NMI: variants seen among roughly 807,000 people sequenced by gnomAD.
NMI encodes the protein N-myc and STAT interactor.
In NMI, 39 loss-of-function variants were observed where a neutral mutation model predicts 34.3. The ratio of observed to expected loss-of-function variants is 1.14; its 90% CI spans 0.88 to 1.49. The LOEUF is 1.49. Ranked by LOEUF, NMI falls within the 40% of genes most tolerant of loss-of-function variation. The probability of loss-of-function intolerance (pLI) is 0.00; values close to 1 mark genes in which losing one functional copy is unlikely to be tolerated. For synonymous variants in NMI, 113 were observed against 120.3 expected, an observed-to-expected ratio of 0.94 and a Z score of 0.40; for missense variants, 339 against 358.1, an observed-to-expected ratio of 0.95 and a Z score of 0.43.
rs1398082156 is a variant in NMI, at chr2:151,289,656, CAG to C, written c.-72_-71del. 4 of 152,278 alleles carry C rather than the reference CAG, an allele frequency of 2.6e-5. No homozygotes were observed. Among genetic ancestry groups the C allele is most frequent in the Admixed American group, 2.6e-4 (4 of 15,288 alleles). 9.4% of individuals were successfully genotyped at this position (152,278 alleles called of 1,614,324 possible). A position where few individuals can be genotyped will look rare whatever the true frequency, so the allele number is the denominator to read the frequency against. Reference sequence around the variant, plus strand: ...CGCGCCTGCCCTTCCCGGAAAACAGCAGCGCCTGAAACGCCGGAACCCCGGGA... The same window carrying C: ...CGCGCCTGCCCTTCCCGGAAAACAGCCGCCTGAAACGCCGGAACCCCGGGA... On this transcript the variant is annotated 5_prime_UTR_variant, in exon 1 of 8. Transcript: ENST00000243346.
At chr2:151,282,117 T>C (rs1683418575) in intron 2 of NMI, 74 bp from the exon 3 acceptor site, 8 of 683,578 alleles carry the variant, frequency 1.2e-5, no homozygotes, top group Non-Finnish European at 5.2e-6. Context: ...CTAAAGACTA[T>C]AAATTTCTCT....
intron 1 of NMI, among the ~76,000 whole-genome samples, chr2:151,288,443 A>G (rs928893560): frequency 2.6e-5 from 4 of 152,332 alleles, no homozygotes; most frequent in African/African-American, 7.2e-5. Context: ...CGGAAGATGG[A>G]AAGAGGATTC....
At chr2:151,279,626 G>A (rs181081305) in intron 3 of NMI, among the ~76,000 whole-genome samples, 4 of 151,982 alleles carry the variant, frequency 2.6e-5, no homozygotes, top group African/African-American at 7.3e-5. Flanking sequence ...ACAGGCATGC[G>A]CTACCACACC....
intron 1 of NMI, among the ~76,000 whole-genome samples, chr2:151,283,660 CA>C (rs1276248141): frequency 1.3e-5 from 2 of 152,122 alleles, no homozygotes; most frequent in Non-Finnish European, 2.9e-5. Context: ...TTGTTCTCCC[CA>C]AATGTAAACA....
chr2:151,283,103 G>A, intron 1 of NMI, 149 bp from the exon 2 acceptor site: 1 of 426,292 alleles, frequency 2.3e-6, no homozygotes, highest in Non-Finnish European at 4.2e-6. Flanking sequence ...ATTATCATAT[G>A]GCTTATATCC....
rs1683287113 is a variant in NMI, at chr2:151,275,888, G to A, written c.341-24C>T. ...AACTGAAAAATAATTCAGGAAGGAA[G>A]TATTAATTTCCAATATTTTAAGAAT... On this transcript the variant is annotated intron_variant, in intron 4 of 7. Transcript: ENST00000243346. 5 of 1,351,938 alleles carry A rather than the reference G, an allele frequency of 3.7e-6. No homozygotes were observed. The East Asian group carries it at 1.2e-4, about 31-fold the overall frequency. 83.7% of individuals were successfully genotyped at this position (1,351,938 alleles called of 1,614,324 possible). A position where few individuals can be genotyped will look rare whatever the true frequency, so the allele number is the denominator to read the frequency against.
At chr2:151,280,821 T>G (rs1442903783) in intron 3 of NMI, among the ~76,000 whole-genome samples, 1 of 151,172 alleles carries the variant, frequency 6.6e-6, no homozygotes, top group Non-Finnish European at 1.5e-5. Context: ...ATCTCCCACT[T>G]CAGAAACAAG....
chr2:151,271,970 A>G (rs755103283), intron 6 of NMI, among the ~76,000 whole-genome samples: 2 of 152,252 alleles, frequency 1.3e-5, no homozygotes, highest in Admixed American at 6.5e-5. Context: ...ACTGCAGTCA[A>G]TCAATGCACA....
Position 151,285,918 on chromosome 2 carries a change from C to T in NMI, c.-6-2964G>A, listed in dbSNP as rs138749071. 4.2e-3 allele frequency among the ~76,000 whole-genome samples: 646 copies of T among 152,028 alleles called. 4 individuals carry two copies. The highest frequency in any genetic ancestry group is 0.015 in the African/African-American group (619 of 41,464). On this transcript the variant is annotated intron_variant, in intron 1 of 7. Coordinates refer to ENST00000243346, the MANE Select transcript of NMI (RefSeq NM_004688.3). ...ACAGAATCCACCTTGAGATGGTTTT[C>T]GGTGGCCAAATCTGGGGATAAATTA...
chr2:151,285,356 G>GAGAT (rs71403153), intron 1 of NMI, among the ~76,000 whole-genome samples: 2,199 of 147,594 alleles, frequency 0.015, 19 homozygotes, highest in Middle Eastern at 0.028. Context: ...ATTGATGATT[G>GAGAT]AGATAGATAG....
intron 1 of NMI, 45 bp from the exon 2 acceptor site, chr2:151,282,999 C>CA: frequency 1.1e-6 from 1 of 917,898 alleles, no homozygotes; most frequent in Non-Finnish European, 1.6e-6. Flanking sequence ...CATATATACA[C>CA]AAATTTAAGA....
chr2:151,286,001 G>A (rs1047726945), intron 1 of NMI, among the ~76,000 whole-genome samples: 1 of 152,144 alleles, frequency 6.6e-6, no homozygotes, highest in Non-Finnish European at 1.5e-5. Flanking sequence ...GTAAAAAACT[G>A]AGTCCAGATA....
In NMI at chr2:151,275,683, T is replaced by G. The variant is rs891682873; in HGVS notation, c.448-13A>C. On this transcript the variant is annotated splice_polypyrimidine_tract_variant and intron_variant, in intron 5 of 7. Coordinates refer to ENST00000243346, the MANE Select transcript of NMI (RefSeq NM_004688.3). ...CTTCTACATAAACCTGGAAAATGATTTGATGTTCAGAAATATGGATGAGAG... is the reference window on the plus strand; with the variant it reads ...CTTCTACATAAACCTGGAAAATGATGTGATGTTCAGAAATATGGATGAGAG... 6.2e-7 allele frequency: 1 copy of G among 1,613,492 alleles called. No homozygotes were observed. The highest frequency in any genetic ancestry group is 1.3e-5 in the African/African-American group (1 of 75,016).
rs1465266387 is a variant in NMI, at chr2:151,289,644, C to G, written c.-58G>C. 6.6e-6 allele frequency: 1 copy of G among 152,284 alleles called. No homozygotes were observed. Among genetic ancestry groups the G allele is most frequent in the African/African-American group, 2.4e-5 (1 of 41,462 alleles). The allele number at this position is 152,284 out of a possible 1,614,324, so 9.4% of individuals were successfully genotyped here. ...CCCAAGGCCCAGCGCGCCTGCCCTT[C>G]CCGGAAAACAGCAGCGCCTGAAACG... is the stretch of plus-strand genomic sequence containing the variant. On this transcript the variant is annotated 5_prime_UTR_variant, in exon 1 of 8. Coordinates refer to ENST00000243346, the MANE Select transcript of NMI (RefSeq NM_004688.3).
In NMI at chr2:151,275,366, C is replaced by T. The variant is rs542781464; in HGVS notation, c.634+118G>A. 4 of 905,850 alleles carry T rather than the reference C, an allele frequency of 4.4e-6. No homozygotes were observed. In the East Asian group the frequency reaches 1.0e-4, roughly 23 times the overall value. 56.1% of individuals were successfully genotyped at this position (905,850 alleles called of 1,614,324 possible). A position where few individuals can be genotyped will look rare whatever the true frequency, so the allele number is the denominator to read the frequency against. On this transcript the variant is annotated intron_variant, in intron 6 of 7. Coordinates refer to ENST00000243346, the MANE Select transcript of NMI (RefSeq NM_004688.3). ...ACTATTTTATAAGGTTTTTTAAAAT[C>T]CCCAATTATCATGCTAATACATTCC...
At chr2:151,271,056 T>C (rs994137150) in intron 7 of NMI, among the ~76,000 whole-genome samples, 181 bp from the exon 8 acceptor site, 2 of 152,186 alleles carry the variant, frequency 1.3e-5, no homozygotes, top group African/African-American at 4.8e-5. Flanking sequence ...AGAACTCTGG[T>C]GGCATTATGG....
chr2:151,273,315 T>C (rs1281232874), intron 6 of NMI, among the ~76,000 whole-genome samples: 2 of 152,166 alleles, frequency 1.3e-5, no homozygotes, highest in African/African-American at 4.8e-5. Context: ...TTATGAAGTA[T>C]CTGGCATATT....
intron 7 of NMI, 113 bp from the exon 8 acceptor site, chr2:151,270,988 A>T: frequency 1.1e-6 from 1 of 872,148 alleles, no homozygotes; most frequent in Non-Finnish European, 1.7e-6. Context: ...GAGACAAGAA[A>T]TCTTAGGAAG....
At chr2:151,278,563 G>A (rs951911715) in intron 4 of NMI, 3 of 393,426 alleles carry the variant, frequency 7.6e-6, no homozygotes, top group African/African-American at 4.1e-5. Context: ...AGCATGTGGA[G>A]TAGAAAGAGG....
Sources: allele counts gnomAD v4.1 joint callset (sites outside exome capture counted in the v4.1 genomes callset), GRCh38; gene constraint gnomAD v4.1.1; transcripts MANE v1.5; gene names NCBI Gene and HGNC (gene_info 2026-07-23, HGNC 2026-07-21).